Variants in SLC7A9 observed in about 807,000 individuals in gnomAD.
SLC7A9 encodes the protein B(0,+)-type amino acid transporter 1.
In SLC7A9, 38 loss-of-function variants were observed where a neutral mutation model predicts 54.1. That is an observed-to-expected ratio of 0.70 (90% CI 0.54 to 0.92). The LOEUF is 0.92. SLC7A9 is among the 40% of genes least tolerant of loss of function. The pLI, the probability that SLC7A9 is intolerant of heterozygous loss-of-function variation, is 0.00. For synonymous variants in SLC7A9, 264 were observed against 258.9 expected (o/e 1.02, Z -0.19); for missense variants, 537 against 636.1 (o/e 0.84, Z 1.68).
chr19:32,869,441 G>T (rs1599695256), intron 1 of SLC7A9, among the ~76,000 whole-genome samples: 1 of 151,992 alleles, frequency 6.6e-6, no homozygotes, highest in Non-Finnish European at 1.5e-5. Flanking sequence ...GCCCCGGCTG[G>T]CCTCAAGCAG....
At position 32,858,521 on chromosome 19, in the gene SLC7A9, T is replaced by C; in HGVS notation, c.896A>G (p.Tyr299Cys). ...AAGTGGAACGATCCAAGAAGCAGGA[T>C]AGAGAACACGGTCACCAAATGTCTG... is the stretch of plus-strand genomic sequence containing the variant. ...VAVTFGDRVL[Y>C]PASWIVPLFV... The change falls in exon 9 of 13, where the codon TAT becomes TGT. Residue 299 changes from tyrosine (Y) to cysteine (C), a missense_variant. By Grantham distance (194) the Tyr-to-Cys change is radical. Coordinates refer to ENST00000023064, the MANE Select transcript of SLC7A9 (RefSeq NM_014270.5). 6.2e-7 allele frequency: 1 copy of C among 1,613,006 alleles called. No homozygotes were observed.
chr19:32,833,804 G>GA (rs11341403), intron 11 of SLC7A9, among the ~76,000 whole-genome samples: 234 of 148,104 alleles, frequency 1.6e-3, no homozygotes, highest in Non-Finnish European at 2.9e-3. Flanking sequence ...TCTCAAAAAA[G>GA]AAAAAAAAAA....
chr19:32,840,848 G>A (rs1233523254), intron 11 of SLC7A9, among the ~76,000 whole-genome samples: 1 of 152,132 alleles, frequency 6.6e-6, no homozygotes, highest in Non-Finnish European at 1.5e-5. Context: ...ACATGGTGCT[G>A]GAGTCCAGTG....
intron 9 of SLC7A9, among the ~76,000 whole-genome samples, chr19:32,852,050 T>C (rs1968484893): frequency 6.6e-6 from 1 of 151,948 alleles, no homozygotes; most frequent in East Asian, 1.9e-4. Flanking sequence ...AGGGATAGCA[T>C]TAGGAGATAT....
rs772245267 is a variant in SLC7A9, at chr19:32,833,237, G to A, written c.1311C>T (p.Tyr437=). Residue 437 remains tyrosine, a synonymous_variant, in exon 12 of 13, where the codon TAC becomes TAT. Transcript: ENST00000023064. Reference sequence around the variant, plus strand: ...TTAATATAAACAGCACACAGTAGAGGTACTCCCAGGTGGGCTTGCTGATGA... The same window carrying A: ...TTAATATAAACAGCACACAGTAGAGATACTCCCAGGTGGGCTTGCTGATGA... ...APIISKPTWE[Y]LYCVLFILSG... 6.8e-6 allele frequency: 11 copies of A among 1,614,010 alleles called. No homozygotes were observed. Among genetic ancestry groups the A allele is most frequent in the Non-Finnish European group, 9.3e-6 (11 of 1,179,992 alleles).
At chr19:32,867,573 A>G (rs1382541979) in intron 2 of SLC7A9, among the ~76,000 whole-genome samples, 1 of 151,978 alleles carries the variant, frequency 6.6e-6, no homozygotes, top group Non-Finnish European at 1.5e-5. Context: ...CATTCCTGGA[A>G]AGGCCATTAG....
chr19:32,866,982 C>T (rs1347198709), intron 2 of SLC7A9, among the ~76,000 whole-genome samples: 6 of 152,178 alleles, frequency 3.9e-5, no homozygotes, highest in African/African-American at 1.4e-4. Context: ...CTGGGACTGG[C>T]GCAGTGTGCT....
chr19:32,832,294 CAA>C (rs1470923765), intron 12 of SLC7A9, among the ~76,000 whole-genome samples: 1 of 135,856 alleles, frequency 7.4e-6, no homozygotes, highest in Non-Finnish European at 1.6e-5. Context: ...CATCTCAAAA[CAA>C]AGAAAATGGG....
intron 9 of SLC7A9, among the ~76,000 whole-genome samples, chr19:32,851,466 A>G (rs1205772946): frequency 2.0e-5 from 3 of 151,112 alleles, no homozygotes; most frequent in Non-Finnish European, 3.0e-5. Context: ...CAAAACCACA[A>G]TGAGATACCA....
chr19:32,832,578 A>G (rs1967831056), intron 12 of SLC7A9, among the ~76,000 whole-genome samples: 1 of 139,374 alleles, frequency 7.2e-6, no homozygotes, highest in Admixed American at 7.3e-5. Flanking sequence ...ACAGAGTGAG[A>G]CTGTGTCTCA....
chr19:32,868,776 G>A, intron 1 of SLC7A9, 131 bp from the exon 2 acceptor site: 1 of 574,924 alleles, frequency 1.7e-6, no homozygotes, highest in Non-Finnish European at 3.2e-6. Flanking sequence ...GCTCCCCGCT[G>A]CTCTCCAAAG....
In SLC7A9 at chr19:32,833,329, G is replaced by A; in HGVS notation, c.1225-6C>T. 6.2e-7 allele frequency: 1 copy of A among 1,614,070 alleles called. No individual in the cohort carries two copies. Among genetic ancestry groups the A allele is most frequent in the East Asian group, 2.2e-5 (1 of 44,874 alleles). ...ACGGGAATGACTACGGGCACCTGGA[G>A]ACGAAAAACAGGTCATGGGTACCCA... On this transcript the variant is annotated splice_polypyrimidine_tract_variant and splice_region_variant and intron_variant, in intron 11 of 12. Transcript: ENST00000023064.
At chr19:32,849,334 A>C (rs1338116805) in intron 9 of SLC7A9, among the ~76,000 whole-genome samples, 1 of 152,202 alleles carries the variant, frequency 6.6e-6, no homozygotes, top group African/African-American at 2.4e-5. Flanking sequence ...CACAATAAAA[A>C]ATGATAAAGG....
chr19:32,848,105 A>G (rs1452471224), intron 9 of SLC7A9, among the ~76,000 whole-genome samples: 5 of 150,696 alleles, frequency 3.3e-5, no homozygotes, highest in African/African-American at 7.2e-5. Flanking sequence ...AAGACCATCA[A>G]GGCTAGGAAG....
chr19:32,844,000 G>C, intron 9 of SLC7A9, 49 bp from the exon 10 acceptor site: 1 of 1,396,362 alleles, frequency 7.2e-7, no homozygotes, highest in Non-Finnish European at 1.0e-6. Flanking sequence ...CAGACCATCT[G>C]TCCAGGGCCA....
intron 2 of SLC7A9, among the ~76,000 whole-genome samples, chr19:32,865,292 TTTATC>T (rs1968935241): frequency 6.6e-6 from 1 of 152,146 alleles, no homozygotes; most frequent in Non-Finnish European, 1.5e-5. Flanking sequence ...GCCATTTTCT[TTTATC>T]TTATTTTTAT....
chr19:32,850,195 G>C (rs1968428600), intron 9 of SLC7A9, among the ~76,000 whole-genome samples: 2 of 150,108 alleles, frequency 1.3e-5, no homozygotes, highest in Admixed American at 6.7e-5. Flanking sequence ...AATTAGGCAG[G>C]AGAAGGAAAT....
intron 11 of SLC7A9, among the ~76,000 whole-genome samples, chr19:32,840,819 C>T (rs1003194896): frequency 4.6e-5 from 7 of 152,154 alleles, no homozygotes; most frequent in East Asian, 3.8e-4. Context: ...GTTCCACGTG[C>T]GCCCTCTCTC....
At chr19:32,851,849 T>G (rs1249978424) in intron 9 of SLC7A9, among the ~76,000 whole-genome samples, 2 of 152,082 alleles carry the variant, frequency 1.3e-5, no homozygotes, top group African/African-American at 4.8e-5. Flanking sequence ...CCATAAAAAA[T>G]GATGAGTTCA....
Sources: allele counts gnomAD v4.1 joint callset (sites outside exome capture counted in the v4.1 genomes callset), GRCh38; gene constraint gnomAD v4.1.1; transcripts MANE v1.5; gene names NCBI Gene and HGNC (gene_info 2026-07-23, HGNC 2026-07-21).